The following FAM161A variants were observed in gnomAD, a reference collection of about 807,000 sequenced individuals.
FAM161A encodes the protein protein FAM161A.
In FAM161A, 57 loss-of-function variants were observed where a neutral mutation model predicts 70.9. That is an observed-to-expected ratio of 0.80 (90% confidence interval 0.65 to 1.00). The LOEUF (loss-of-function observed/expected upper bound fraction) is 1.00, where lower values mean the gene tolerates loss of function less well. FAM161A is among the 50% of genes least tolerant of loss of function. FAM161A has a pLI of 0.00. For missense variants in FAM161A, 880 were observed against 836.0 expected, an observed-to-expected ratio of 1.05 and a Z score of -0.65; for synonymous variants, 299 against 295.7, an observed-to-expected ratio of 1.01 and a Z score of -0.12.
chr2:61,842,078 A>G (rs1332562098), intron 2 of FAM161A, 44 bp downstream of exon 2: 3 of 1,229,728 alleles, frequency 2.4e-6, no homozygotes, highest in South Asian at 1.2e-5. Flanking sequence ...TTAAGGATAC[A>G]TTTTATTTTA....
intron 2 of FAM161A, 65 bp downstream of exon 2, chr2:61,842,057 G>GT: frequency 2.0e-6 from 2 of 1,025,612 alleles, no homozygotes; most frequent in South Asian, 2.5e-5. Flanking sequence ...AAGTAACTTT[G>GT]TTCTGTCCTT....
rs1179667086 is a variant in FAM161A, at chr2:61,849,056, TTA to T, written c.183+4801_183+4802del. On this transcript the variant is annotated intron_variant, in intron 1 of 6. Coordinates refer to ENST00000404929, the MANE Select transcript of FAM161A (RefSeq NM_001201543.2). ...TATATATTTATATATTTATATATAT[TTA>T]TATATATATAAATATATATATTTAT... Among the ~76,000 whole-genome samples, 2 of 1,580 alleles carry T rather than the reference TTA, an allele frequency of 1.3e-3. 1 individual carries two copies. The highest frequency in any genetic ancestry group is 1.8e-3 in the Non-Finnish European group (2 of 1,098). The allele number at this position is 1,580 out of a possible 152,430, so 1.0% of individuals were successfully genotyped here.
intron 3 of FAM161A, 137 bp downstream of exon 3, chr2:61,839,284 A>G: frequency 3.6e-6 from 1 of 275,364 alleles, no homozygotes; most frequent in Non-Finnish European, 5.6e-6. Flanking sequence ...AAAATATCAT[A>G]TATTATATAG....
Position 61,836,082 on chromosome 2 carries a change from T to C in FAM161A, c.1779A>G (p.Glu593=), listed in dbSNP as rs762187438. ...LRKSEKERMR[E]YQRELEEREE... The stretch of plus-strand genomic sequence containing the variant: ...CTCTTTCTTCTAGTTCTCGTTGGTA[T>C]TCTCTCATCCTTTCCTTTTCGCTCT... Residue 593 remains glutamate (E), a synonymous_variant, in exon 5 of 7, where the codon GAA becomes GAG. Transcript: ENST00000404929. The C allele has an allele frequency of 5.0e-6, 8 of 1,610,930 alleles. No homozygotes were observed. The highest frequency in any genetic ancestry group is 5.1e-6 in the Non-Finnish European group (6 of 1,178,724).
intron 1 of FAM161A, among the ~76,000 whole-genome samples, chr2:61,849,783 C>CAAAAAA: frequency 1.9e-5 from 1 of 53,572 alleles, no homozygotes; most frequent in Non-Finnish European, 3.8e-5. Flanking sequence ...GACTCCATCA[C>CAAAAAA]AAAAAAAAAA....
intron 3 of FAM161A, 53 bp downstream of exon 3, chr2:61,839,368 A>G (rs1672907787): frequency 6.5e-7 from 1 of 1,540,556 alleles, no homozygotes; most frequent in Non-Finnish European, 9.0e-7. Context: ...ACAGAGCTGC[A>G]TACACTCATC....
rs542722577 is a variant in FAM161A, at chr2:61,839,814, G to A, written c.1190C>T (p.Pro397Leu). The A allele has an allele frequency of 1.2e-6, 2 of 1,614,198 alleles. No homozygotes were observed. The highest frequency in any genetic ancestry group is 1.1e-5 in the South Asian group (1 of 91,090). Reference sequence around the variant, plus strand: ...TCCACAAGCTGACCTACAAGGCAGAGGAGATGAGTTCTGTAAATGCTCCTG... The same window carrying A: ...TCCACAAGCTGACCTACAAGGCAGAAGAGATGAGTTCTGTAAATGCTCCTG... ...RAQEHLQNSS[P>L]LPCRSACGCR... The change falls in exon 3 of 7, where the codon CCT (proline) becomes CTT (leucine). Residue 397 changes from proline to leucine, a missense_variant. Coordinates refer to ENST00000404929, the MANE Select transcript of FAM161A (RefSeq NM_001201543.2).
downstream of FAM161A, among the ~76,000 whole-genome samples, chr2:61,822,450 G>C (rs1246788640): frequency 2.0e-5 from 3 of 152,086 alleles, no homozygotes; most frequent in Non-Finnish European, 4.4e-5. Flanking sequence ...TCTAAATATT[G>C]TCAAATTGAC....
chr2:61,838,827 A>C (rs539221545), intron 3 of FAM161A, 122 bp from the exon 4 acceptor site: 2 of 456,476 alleles, frequency 4.4e-6, no homozygotes, highest in Non-Finnish European at 7.2e-6. Flanking sequence ...TAACCTTTTG[A>C]AAAGGATCTG....
the FAM161A span, among the ~76,000 whole-genome samples, chr2:61,807,603 C>T: frequency 2.7e-5 from 4 of 149,244 alleles, no homozygotes; most frequent in African/African-American, 9.8e-5. Flanking sequence ...TTTTGGGACC[C>T]TGAAAGGGTT....
the FAM161A span, among the ~76,000 whole-genome samples, chr2:61,805,107 A>G: frequency 6.6e-6 from 1 of 152,148 alleles, no homozygotes; most frequent in South Asian, 2.1e-4. Flanking sequence ...AACCTTTTCC[A>G]TCTTAACCAA....
chr2:61,849,612 C>T (rs1209344252), intron 1 of FAM161A, among the ~76,000 whole-genome samples: 1 of 151,768 alleles, frequency 6.6e-6, no homozygotes, highest in East Asian at 1.9e-4. Flanking sequence ...TGGTAAAACC[C>T]CGTCTCTACT....
the FAM161A span, among the ~76,000 whole-genome samples, chr2:61,802,713 G>A: frequency 2.0e-5 from 3 of 152,080 alleles, no homozygotes; most frequent in South Asian, 2.1e-4. Flanking sequence ...AATTAGTCAC[G>A]TTGTGAATTT....
chr2:61,812,270 GCT>G, the FAM161A span, among the ~76,000 whole-genome samples: 1 of 152,052 alleles, frequency 6.6e-6, no homozygotes, highest in Admixed American at 6.6e-5. Context: ...GAGAATAGGG[GCT>G]CTCTTTTTTG....
chr2:61,842,053 C>A (rs747314245), intron 2 of FAM161A, 69 bp downstream of exon 2: 5 of 1,001,536 alleles, frequency 5.0e-6, no homozygotes, highest in Non-Finnish European at 4.8e-6. Context: ...TATGAAGTAA[C>A]TTTGTTCTGT....
rs77908287 is a variant in FAM161A, at chr2:61,825,944, T to C, written c.*511A>G. 1 of 454,096 alleles carries C rather than the reference T, an allele frequency of 2.2e-6. No homozygotes were observed. Among genetic ancestry groups the C allele is most frequent in the African/African-American group, 2.0e-5 (1 of 50,000 alleles). 28.1% of individuals were successfully genotyped at this position (454,096 alleles called of 1,614,324 possible). ...GAGCCACCATACCCGGCGTTTTTTC[T>C]ATACTTTTAAAAATGGCTCAGAGCA... On this transcript the variant is annotated 3_prime_UTR_variant, in exon 7 of 7. Coordinates refer to ENST00000404929, the MANE Select transcript of FAM161A (RefSeq NM_001201543.2).
the FAM161A span, among the ~76,000 whole-genome samples, chr2:61,817,251 C>A: frequency 6.6e-6 from 1 of 152,170 alleles, no homozygotes; most frequent in Non-Finnish European, 1.5e-5. Context: ...CTTTCCAAAA[C>A]CAGTCCTCAC....
rs1189580524 is a variant in FAM161A at position 61,826,043 on chromosome 2, AAT to A, written c.*410_*411del. 2.2e-6 allele frequency: 1 copy of A among 456,186 alleles called. No homozygotes were observed. The highest frequency in any genetic ancestry group is 2.3e-5 in the Admixed American group (1 of 42,608). The allele number at this position is 456,186 out of a possible 1,614,324, so 28.3% of individuals were successfully genotyped here. On this transcript the variant is annotated 3_prime_UTR_variant, in exon 7 of 7. Coordinates refer to ENST00000404929, the MANE Select transcript of FAM161A (RefSeq NM_001201543.2). The stretch of plus-strand genomic sequence containing the variant: ...AGAATGGGCAAATAGTATAATTAAA[AAT>A]AGTTATTGATTCACACTTTCCAAAA...
rs1290904640 is a variant in FAM161A, at chr2:61,824,979, G to A, written c.*1476C>T. On this transcript the variant is annotated 3_prime_UTR_variant, in exon 7 of 7. Coordinates refer to ENST00000404929, the MANE Select transcript of FAM161A (RefSeq NM_001201543.2). Reference sequence around the variant, plus strand: ...CCAAGGAGTTTACAATATAATAATAGTAAAAAGTAATTTAACACGAACTGT... The same window carrying A: ...CCAAGGAGTTTACAATATAATAATAATAAAAAGTAATTTAACACGAACTGT... 2.2e-6 allele frequency: 1 copy of A among 453,002 alleles called. No homozygotes were observed. The highest frequency in any genetic ancestry group is 1.6e-5 in the South Asian group (1 of 63,890). 28.1% of individuals were successfully genotyped at this position (453,002 alleles called of 1,614,324 possible). A position where few individuals can be genotyped will look rare whatever the true frequency, so the allele number is the denominator to read the frequency against.
Sources: allele counts gnomAD v4.1 joint callset (sites outside exome capture counted in the v4.1 genomes callset), GRCh38; gene constraint gnomAD v4.1.1; transcripts MANE v1.5; gene names NCBI Gene and HGNC (gene_info 2026-07-23, HGNC 2026-07-21).